The following HYCC2 variants were observed in gnomAD, a reference collection of about 807,000 sequenced individuals.
HYCC2 encodes hyccin 2.
chr2:201,041,903 T>C, the HYCC2 span, among the ~76,000 whole-genome samples: 1 of 152,224 alleles, frequency 6.6e-6, no homozygotes, highest in Non-Finnish European at 1.5e-5. Flanking sequence ...CCTAAAAATA[T>C]ATTTTAGTAC....
At chr2:201,063,195 A>C in the HYCC2 span, 1 of 1,608,150 alleles carries the variant, frequency 6.2e-7, no homozygotes, top group Non-Finnish European at 8.5e-7. Flanking sequence ...CATTTTGAGC[A>C]ACGGGGAACG....
chr2:200,985,282 A>G, the HYCC2 span, among the ~76,000 whole-genome samples: 1 of 152,140 alleles, frequency 6.6e-6, no homozygotes. Flanking sequence ...CTGAACGCCA[A>G]GAAGCTATGA....
At chr2:200,978,522 C>A in the HYCC2 span, 1 of 121,930 alleles carries the variant, frequency 8.2e-6, no homozygotes, top group East Asian at 2.5e-4. Flanking sequence ...GTTGCCTAGG[C>A]TGGAGTACAG....
chr2:201,063,331 A>G, the HYCC2 span: 1 of 1,547,820 alleles, frequency 6.5e-7, no homozygotes, highest in African/African-American at 1.4e-5. Flanking sequence ...AGGTGGATGG[A>G]AGAGTCGTGG....
chr2:201,014,334 A>G, the HYCC2 span, among the ~76,000 whole-genome samples: 1 of 149,000 alleles, frequency 6.7e-6, no homozygotes, highest in African/African-American at 2.5e-5. Flanking sequence ...ATATATAACA[A>G]ATTTCCTACT....
the HYCC2 span, among the ~76,000 whole-genome samples, chr2:201,047,420 A>ATG: frequency 7.5e-5 from 11 of 146,546 alleles, no homozygotes; most frequent in South Asian, 8.4e-4. Context: ...ACAATGTCTA[A>ATG]TGTGTGTGTG....
chr2:201,027,013 A>G, the HYCC2 span, among the ~76,000 whole-genome samples: 1 of 152,180 alleles, frequency 6.6e-6, no homozygotes, highest in Non-Finnish European at 1.5e-5. Flanking sequence ...CAAAAAATCC[A>G]TGAATCCAGG....
At chr2:201,024,348 G>T in the HYCC2 span, among the ~76,000 whole-genome samples, 1 of 151,968 alleles carries the variant, frequency 6.6e-6, no homozygotes, top group Non-Finnish European at 1.5e-5. Flanking sequence ...AATTAGCTGG[G>T]CATGGTGGCG....
chr2:200,992,460 T>C, the HYCC2 span: 1 of 901,802 alleles, frequency 1.1e-6, no homozygotes, highest in Non-Finnish European at 1.8e-6. Flanking sequence ...ATTTTGGTTG[T>C]GAAGCAAAAC....
the HYCC2 span, among the ~76,000 whole-genome samples, chr2:201,028,752 G>A: frequency 6.6e-6 from 1 of 152,186 alleles, no homozygotes; most frequent in Non-Finnish European, 1.5e-5. Context: ...GGGAAATCTG[G>A]ATAGCCAAAT....
At chr2:200,988,488 G>A in the HYCC2 span, 3 of 1,190,182 alleles carry the variant, frequency 2.5e-6, no homozygotes. Context: ...TACTACATGT[G>A]TCCATAATTT....
the HYCC2 span, chr2:201,011,555 T>G: frequency 1.3e-6 from 1 of 752,816 alleles, no homozygotes; most frequent in East Asian, 3.1e-5. Context: ...TTACAGAATA[T>G]ATGATTGGCA....
At chr2:201,019,754 CT>C in the HYCC2 span, among the ~76,000 whole-genome samples, 1 of 147,704 alleles carries the variant, frequency 6.8e-6, no homozygotes, top group African/African-American at 2.6e-5. Context: ...GAGGCCCTGT[CT>C]TAAAAAAAAA....
chr2:201,003,281 G>A, the HYCC2 span, among the ~76,000 whole-genome samples: 1 of 152,046 alleles, frequency 6.6e-6, no homozygotes, highest in African/African-American at 2.4e-5. Context: ...TTGAAGTCCT[G>A]GCCTCAAGTG....
the HYCC2 span, among the ~76,000 whole-genome samples, chr2:201,053,346 C>T: frequency 6.6e-6 from 1 of 152,184 alleles, no homozygotes; most frequent in Admixed American, 6.5e-5. Context: ...TGGTCTCGAA[C>T]TCCTGAACTC....
the HYCC2 span, among the ~76,000 whole-genome samples, chr2:201,003,161 G>A: frequency 6.6e-6 from 1 of 151,832 alleles, no homozygotes; most frequent in Non-Finnish European, 1.5e-5. Context: ...CAAACTCCTG[G>A]GCTTGGTCCT....
chr2:201,018,676 T>G, the HYCC2 span, among the ~76,000 whole-genome samples: 1 of 152,164 alleles, frequency 6.6e-6, no homozygotes. Context: ...TTTAAAATCT[T>G]AAAAAATTTT....
the HYCC2 span, among the ~76,000 whole-genome samples, chr2:201,010,544 G>A: frequency 6.6e-6 from 1 of 152,136 alleles, no homozygotes; most frequent in African/African-American, 2.4e-5. Flanking sequence ...GATTATCAGT[G>A]TTCTCAAATT....
chr2:201,040,127 C>T, the HYCC2 span, among the ~76,000 whole-genome samples: 9 of 151,362 alleles, frequency 5.9e-5, no homozygotes, highest in South Asian at 2.1e-4. Flanking sequence ...GAGCCGAGAC[C>T]GCGCCACTGC....
Sources: gnomAD v4.1 joint callset for allele counts (sites outside exome capture counted in the v4.1 genomes callset) on GRCh38, gnomAD v4.1.1 for gene constraint, MANE v1.5 for transcripts, NCBI Gene and HGNC (gene_info 2026-07-23, HGNC 2026-07-21) for gene names.